The following ANKRD17 variants were observed in gnomAD, a reference collection of about 807,000 sequenced individuals.
The protein encoded by ANKRD17 is ankyrin repeat domain-containing protein 17.
Under a neutral mutation model 229.7 loss-of-function variants are expected in ANKRD17, and 19 were observed. The ratio of observed to expected loss-of-function variants is 0.08; its 90% CI spans 0.06 to 0.12. ANKRD17 has a LOEUF of 0.12. ANKRD17 is among the 10% of genes least tolerant of loss of function. The pLI, the probability that ANKRD17 is intolerant of heterozygous loss-of-function variation, is 1.00. For missense variants in ANKRD17, 2,176 were observed against 3,176.8 expected, an observed-to-expected ratio of 0.68 and a Z score of 7.57; for synonymous variants, 1,112 against 1,146.1, an observed-to-expected ratio of 0.97 and a Z score of 0.60.
chr4:73,107,481 C>T (rs1388056667), intron 24 of ANKRD17, among the ~76,000 whole-genome samples: 3 of 151,990 alleles, frequency 2.0e-5, no homozygotes, highest in Non-Finnish European at 2.9e-5. Flanking sequence ...AGAATGCATA[C>T]ATTATAGTTT....
intron 1 of ANKRD17, among the ~76,000 whole-genome samples, chr4:73,252,028 T>C (rs1231630532): frequency 1.3e-5 from 2 of 152,224 alleles, no homozygotes; most frequent in Non-Finnish European, 2.9e-5. Flanking sequence ...AAATAATAGC[T>C]GCAACCAAGT....
chr4:73,110,840 A>G (rs1248090847), intron 24 of ANKRD17, among the ~76,000 whole-genome samples: 1 of 152,222 alleles, frequency 6.6e-6, no homozygotes, highest in African/African-American at 2.4e-5. Flanking sequence ...TTTAGATAGA[A>G]TTGATTAATG....
Position 73,098,381 on chromosome 4 carries a change from G to GT in ANKRD17, c.4712dup (p.Asn1571LysfsTer5). 1 of 1,614,060 alleles carries GT rather than the reference G, an allele frequency of 6.2e-7. No homozygotes were observed. The highest frequency in any genetic ancestry group is 1.3e-5 in the African/African-American group (1 of 75,004). On this transcript the variant is annotated frameshift_variant, in exon 26 of 34. Transcript: ENST00000358602. LOFTEE classifies it high-confidence loss of function. ...TTTCTGGAGTAATTTTATTTTTCCT[G>GT]TTTTTCCTCTTTGAACTGGTTGTAG...
intron 1 of ANKRD17, among the ~76,000 whole-genome samples, chr4:73,226,933 T>C (rs770048613): frequency 2.0e-5 from 3 of 152,154 alleles, no homozygotes; most frequent in Admixed American, 1.3e-4. Context: ...TGAAATAAGA[T>C]ATTAGAAGTA....
intron 30 of ANKRD17, among the ~76,000 whole-genome samples, chr4:73,082,344 T>G (rs1032049864): frequency 1.3e-5 from 2 of 151,750 alleles, no homozygotes; most frequent in Non-Finnish European, 2.9e-5. Flanking sequence ...AAACATTAGC[T>G]GGGTGCTATG....
intron 2 of ANKRD17, among the ~76,000 whole-genome samples, chr4:73,162,678 A>T (rs546070614): frequency 6.4e-4 from 97 of 150,462 alleles, no homozygotes; most frequent in African/African-American, 2.2e-3. Context: ...CTGCAAAATT[A>T]AAAAAAAAAT....
intron 16 of ANKRD17, among the ~76,000 whole-genome samples, chr4:73,129,761 C>G (rs1727941111): frequency 7.5e-6 from 1 of 134,162 alleles, no homozygotes; most frequent in Non-Finnish European, 1.6e-5. Context: ...CTATTAATTA[C>G]TTTTTTTTTT....
At chr4:73,158,356 T>A (rs1187400206) in intron 3 of ANKRD17, among the ~76,000 whole-genome samples, 1 of 152,146 alleles carries the variant, frequency 6.6e-6, no homozygotes, top group Non-Finnish European at 1.5e-5. Context: ...TCTCCTACCC[T>A]CTCACCCTTA....
At chr4:73,133,856 T>C (rs1006702103) in intron 16 of ANKRD17, among the ~76,000 whole-genome samples, 3 of 152,086 alleles carry the variant, frequency 2.0e-5, no homozygotes, top group Admixed American at 1.3e-4. Context: ...AAAAGAATGG[T>C]GTCTTTGAAG....
chr4:73,159,016 CCAAA>C (rs1485467988), intron 3 of ANKRD17, among the ~76,000 whole-genome samples: 1 of 152,230 alleles, frequency 6.6e-6, no homozygotes, highest in East Asian at 1.9e-4. Flanking sequence ...GACCTCCAAC[CCAAA>C]CACTGTCTTA....
At chr4:73,101,025 A>G (rs1723915368) in intron 25 of ANKRD17, 1 of 955,536 alleles carries the variant, frequency 1.0e-6, no homozygotes, top group African/African-American at 1.8e-5. Context: ...CTATTTACAT[A>G]GCATTTGCGT....
chr4:73,102,562 T>C lies in ANKRD17; in HGVS notation c.4402-15A>G, dbSNP rs1350919475. On this transcript the variant is annotated splice_polypyrimidine_tract_variant and intron_variant, in intron 24 of 33. Coordinates refer to ENST00000358602, the MANE Select transcript of ANKRD17 (RefSeq NM_032217.5). ...TCTTCCCTTAACTGTTAAAGATCAA[T>C]AAAGCAGAAATATAACGTTGAAATT... is the stretch of plus-strand genomic sequence containing the variant. 2.5e-6 allele frequency: 4 copies of C among 1,585,230 alleles called. No individual in the cohort carries two copies. The South Asian group carries it at 4.8e-5, about 19-fold the overall frequency.
intron 1 of ANKRD17, among the ~76,000 whole-genome samples, chr4:73,179,707 C>G (rs975811676): frequency 6.6e-6 from 1 of 151,012 alleles, no homozygotes; most frequent in Non-Finnish European, 1.5e-5. Flanking sequence ...CTCAAGTGAT[C>G]CTCCCACTTT....
chr4:73,179,974 A>G (rs181653304), intron 1 of ANKRD17, among the ~76,000 whole-genome samples: 103 of 152,266 alleles, frequency 6.8e-4, no homozygotes, highest in African/African-American at 2.3e-3. Context: ...AAATTTTCTA[A>G]TATCTGAAAT....
At chr4:73,235,787 T>TA (rs1046289033) in intron 1 of ANKRD17, among the ~76,000 whole-genome samples, 4 of 152,114 alleles carry the variant, frequency 2.6e-5, no homozygotes, top group African/African-American at 9.7e-5. Context: ...TTACTAGTTT[T>TA]CTTCTAAGTC....
At chr4:73,238,935 T>C (rs1743761240) in intron 1 of ANKRD17, among the ~76,000 whole-genome samples, 1 of 152,150 alleles carries the variant, frequency 6.6e-6, no homozygotes, top group Non-Finnish European at 1.5e-5. Context: ...AGATACTATG[T>C]ACCTCTTAGA....
At chr4:73,162,117 TAC>T (rs1304390789) in intron 2 of ANKRD17, among the ~76,000 whole-genome samples, 1 of 151,690 alleles carries the variant, frequency 6.6e-6, no homozygotes, top group Admixed American at 6.6e-5. Flanking sequence ...ATGCCACGAT[TAC>T]AGTTTACTGC....
At chr4:73,147,145 T>C (rs1200705700) in intron 9 of ANKRD17, 96 bp downstream of exon 9, 1 of 1,188,090 alleles carries the variant, frequency 8.4e-7, no homozygotes, top group South Asian at 1.8e-5. Flanking sequence ...AACTCACACA[T>C]TCAGTGTATC....
chr4:73,079,811 T>C (rs554156943), intron 30 of ANKRD17, among the ~76,000 whole-genome samples: 58 of 152,264 alleles, frequency 3.8e-4, no homozygotes, highest in African/African-American at 1.3e-3. Context: ...AAATTATATT[T>C]TATGTGAAAA....
Sources: allele counts gnomAD v4.1 joint callset (sites outside exome capture counted in the v4.1 genomes callset), GRCh38; gene constraint gnomAD v4.1.1; transcripts MANE v1.5; gene names NCBI Gene and HGNC (gene_info 2026-07-23, HGNC 2026-07-21).